Variants in FREM1 observed in about 807,000 individuals in gnomAD.
The protein encoded by FREM1 is FRAS1 related extracellular matrix 1, also known as FRAS1-related extracellular matrix protein 1.
Under a neutral mutation model 210.1 loss-of-function variants are expected in FREM1, and 220 were observed. The ratio of observed to expected loss-of-function variants is 1.05; its 90% CI spans 0.94 to 1.17. The LOEUF is 1.17. Ranked by LOEUF, FREM1 falls within the 50% of genes most tolerant of loss-of-function variation. The pLI is 0.00. For missense variants in FREM1, 3,454 were observed against 2,675.5 expected (o/e 1.29, Z -6.42); for synonymous variants, 1,189 against 980.2 (o/e 1.21, Z -3.98).
intron 16 of FREM1, among the ~76,000 whole-genome samples, chr9:14,811,390 A>G (rs1333469776): frequency 6.6e-6 from 1 of 152,204 alleles, no homozygotes; most frequent in Non-Finnish European, 1.5e-5. Context: ...GTGCTGCATG[A>G]GCCTGCCAGA....
rs2132859590 is a variant in FREM1, at chr9:14,784,472, T to C, written c.4340A>G (p.Tyr1447Cys). The change falls in exon 24 of 37, where the codon TAT becomes TGT. Residue 1447 changes from tyrosine (Y) to cysteine (C), a missense_variant. Tyr to Cys is a radical substitution (Grantham distance 194, BLOSUM62 -2). Transcript: ENST00000380880. ...PRYGQIEYVHYPGVPITNFSQ... is the reference protein window; with the variant it reads ...PRYGQIEYVHCPGVPITNFSQ... The stretch of plus-strand genomic sequence containing the variant: ...GAAGTTTGTAATGGGAACTCCAGGA[T>C]AGTGAACATATTCGATCTGGCCATA... The C allele has an allele frequency of 1.9e-6, 3 of 1,613,882 alleles. No individual in the cohort carries two copies. The highest frequency in any genetic ancestry group is 2.2e-5 in the East Asian group (1 of 44,862).
chr9:14,834,715 C>A (rs1453586424), intron 10 of FREM1, among the ~76,000 whole-genome samples: 1 of 152,172 alleles, frequency 6.6e-6, no homozygotes. Flanking sequence ...TATTTAGTCA[C>A]ATGAGATTGC....
intron 1 of FREM1, among the ~76,000 whole-genome samples, chr9:14,874,753 T>C (rs1424644256): frequency 2.0e-5 from 3 of 152,246 alleles, no homozygotes; most frequent in Non-Finnish European, 2.9e-5. Flanking sequence ...ATGCAGTTTC[T>C]TCCTAGTCTT....
Position 14,805,206 on chromosome 9 carries a change from T to C in FREM1, c.3275-54A>G, listed in dbSNP as rs181684043. 4 of 1,096,894 alleles carry C rather than the reference T, an allele frequency of 3.6e-6. No homozygotes were observed. The African/African-American group carries it at 4.7e-5, about 13-fold the overall frequency. 67.9% of individuals were successfully genotyped at this position (1,096,894 alleles called of 1,614,324 possible). ...ATAAAAAAAAAATTTTTCCAAGTTA[T>C]TGGTCCTTAATCCTTAACCCAATAA... On this transcript the variant is annotated intron_variant, in intron 18 of 36. Coordinates refer to ENST00000380880, the MANE Select transcript of FREM1 (RefSeq NM_001379081.2).
At chr9:14,861,000 TAC>T (rs1411914198) in intron 3 of FREM1, among the ~76,000 whole-genome samples, 9 of 88,286 alleles carry the variant, frequency 1.0e-4, no homozygotes, top group East Asian at 5.9e-4. Context: ...TACATATATA[TAC>T]ACATATATAC....
intron 1 of FREM1, among the ~76,000 whole-genome samples, chr9:14,870,235 C>T (rs1832350089): frequency 6.6e-6 from 1 of 152,126 alleles, no homozygotes; most frequent in Non-Finnish European, 1.5e-5. Flanking sequence ...CTCCATTATC[C>T]ACATCTAATC....
At chr9:14,750,073 A>C in intron 30 of FREM1, 54 bp downstream of exon 30, 13 of 1,577,222 alleles carry the variant, frequency 8.2e-6, no homozygotes, top group Non-Finnish European at 1.0e-5. Context: ...GTTGAAGGCA[A>C]GAGCTACAGC....
rs149089258 is a variant in FREM1, at chr9:14,852,685, C to A, written c.829-1078G>T. 2.7e-3 allele frequency among the ~76,000 whole-genome samples: 405 copies of A among 152,250 alleles called. 2 individuals are homozygous for A. The highest frequency in any genetic ancestry group is 0.01 in the Middle Eastern group (3 of 294). On this transcript the variant is annotated intron_variant, in intron 5 of 36. Coordinates refer to ENST00000380880, the MANE Select transcript of FREM1 (RefSeq NM_001379081.2). ...CTTCAGCCTGGGCAAGAGAGTGAGACTTTGTAAAGAAAAGAAAAGAATCCT... is the reference window on the plus strand; with the variant it reads ...CTTCAGCCTGGGCAAGAGAGTGAGAATTTGTAAAGAAAAGAAAAGAATCCT...
intron 10 of FREM1, among the ~76,000 whole-genome samples, chr9:14,840,545 C>G (rs1430885341): frequency 6.6e-6 from 1 of 152,160 alleles, no homozygotes; most frequent in Non-Finnish European, 1.5e-5. Context: ...ACCATCAGAT[C>G]CCGTGAGACT....
At chr9:14,795,990 G>A (rs527692932) in intron 21 of FREM1, among the ~76,000 whole-genome samples, 1 of 152,218 alleles carries the variant, frequency 6.6e-6, no homozygotes, top group Non-Finnish European at 1.5e-5. Context: ...TATAAATAAA[G>A]GCTATACTAA....
chr9:14,784,429 C>A lies in FREM1; in HGVS notation c.4383G>T (p.Val1461=). 1 of 1,613,852 alleles carries A rather than the reference C, an allele frequency of 6.2e-7. No individual in the cohort carries two copies. Among genetic ancestry groups the A allele is most frequent in the Non-Finnish European group, 8.5e-7 (1 of 1,179,812 alleles). The part of the protein sequence containing the change: ...PITNFSQMDV[V]GQTVCYVHKS... ...TGTGTACATAGCAAACTGTCTGCCCCACTACATCCATTTGGCTGAAGTTTG... is the reference window on the plus strand; with the variant it reads ...TGTGTACATAGCAAACTGTCTGCCCAACTACATCCATTTGGCTGAAGTTTG... The change falls in exon 24 of 37, where the codon GTG becomes GTT. Residue 1461 remains valine, a synonymous_variant. Transcript: ENST00000380880.
intron 2 of FREM1, among the ~76,000 whole-genome samples, chr9:14,864,778 C>G (rs1831212257): frequency 6.6e-6 from 1 of 152,174 alleles, no homozygotes; most frequent in Admixed American, 6.5e-5. Flanking sequence ...TACCTTTTCA[C>G]AGCCTCAAAC....
chr9:14,825,547 G>GTGTGTGTGTGTGTATATATATATATA, intron 10 of FREM1, among the ~76,000 whole-genome samples: 122 of 75,848 alleles, frequency 1.6e-3, no homozygotes, highest in Admixed American at 2.7e-3. Context: ...GTGTGTGTGT[G>GTGTGTGTGTGTGTATATATATATATA]TATATATATA....
At chr9:14,768,576 C>T (rs940911787) in intron 27 of FREM1, among the ~76,000 whole-genome samples, 4 of 152,014 alleles carry the variant, frequency 2.6e-5, no homozygotes, top group African/African-American at 7.2e-5. Flanking sequence ...AGTAGCCACT[C>T]GATAAAAGTC....
Position 14,824,798 on chromosome 9 carries a change from G to C in FREM1, c.2076C>G (p.His692Gln). ...ITTPPFFSFS[H>Q]RHLDAGKLFM... ...CCAAATGGTGACTTTTCAGATACCT[G>C]TGGCTGAAGGAGAAAAATGGAGGAG... Residue 692 changes from histidine to glutamine, a missense_variant and splice_region_variant, in exon 11 of 37, where the codon CAC (histidine) becomes CAG (glutamine). Physicochemically the swap from His to Gln is conservative, Grantham distance 24 (BLOSUM62 0). Transcript: ENST00000380880. 1 of 1,608,436 alleles carries C rather than the reference G, an allele frequency of 6.2e-7. No individual in the cohort carries two copies. The highest frequency in any genetic ancestry group is 1.1e-5 in the South Asian group (1 of 90,032).
chr9:14,850,890 G>A (rs749081662), intron 6 of FREM1, among the ~76,000 whole-genome samples: 10 of 152,166 alleles, frequency 6.6e-5, no homozygotes, highest in East Asian at 1.9e-4. Context: ...AGCACAATAC[G>A]TTTCACTACA....
At chr9:14,765,763 G>A (rs1846278565) in intron 27 of FREM1, among the ~76,000 whole-genome samples, 2 of 152,304 alleles carry the variant, frequency 1.3e-5, no homozygotes, top group Middle Eastern at 6.8e-3. Flanking sequence ...TTGCCAGAGG[G>A]AGGTGAAGAA....
intron 23 of FREM1, among the ~76,000 whole-genome samples, chr9:14,785,040 G>C (rs546340429): frequency 6.6e-6 from 1 of 152,252 alleles, no homozygotes; most frequent in Non-Finnish European, 1.5e-5. Flanking sequence ...TTTGTAAAGA[G>C]TCGAATGTTC....
chr9:14,892,693 G>A (rs749429169), intron 1 of FREM1, among the ~76,000 whole-genome samples: 4 of 152,106 alleles, frequency 2.6e-5, no homozygotes, highest in Non-Finnish European at 4.4e-5. Flanking sequence ...GGGGAAACTT[G>A]AGAGCTGATG....
Sources: allele counts gnomAD v4.1 joint callset (sites outside exome capture counted in the v4.1 genomes callset), GRCh38; gene constraint gnomAD v4.1.1; transcripts MANE v1.5; gene names NCBI Gene and HGNC (gene_info 2026-07-23, HGNC 2026-07-21).